The following ABCC5 variants were observed in gnomAD, a reference collection of about 807,000 sequenced individuals.
ABCC5 encodes ATP binding cassette subfamily C member 5.
Under a neutral mutation model 160.9 loss-of-function variants are expected in ABCC5, and 61 were observed. The ratio of observed to expected loss-of-function variants is 0.38; its 90% CI spans 0.31 to 0.47. The LOEUF is 0.47. Ranked by LOEUF, ABCC5 falls within the 20% of genes least tolerant of loss-of-function variation. ABCC5 has a pLI of 0.99. For synonymous variants in ABCC5, 666 were observed against 700.6 expected (o/e 0.95, Z 0.78); for missense variants, 1,308 against 1,813.3 (o/e 0.72, Z 5.06).
At chr3:183,945,458 C>A (rs1714750280) in intron 24 of ABCC5, among the ~76,000 whole-genome samples, 1 of 152,182 alleles carries the variant, frequency 6.6e-6, no homozygotes, top group African/African-American at 2.4e-5. Flanking sequence ...AGAGATGAGG[C>A]CACGTTTGTC....
In ABCC5 at chr3:183,961,593, G is replaced by T; in HGVS notation, c.2297C>A (p.Thr766Asn). The change falls in exon 16 of 30, where the codon ACC (threonine) becomes AAC (asparagine). Residue 766 changes from threonine (T) to asparagine (N), a missense_variant. Transcript: ENST00000334444. ...MKEGCITERG[T>N]HEELMNLNGD... ...ATTTAAATTCATCAGTTCCTCATGG[G>T]TGCCTCTTTCCGTAATACAGCCCTC... 1.2e-6 allele frequency: 2 copies of T among 1,614,182 alleles called. No homozygotes were observed. Among genetic ancestry groups the T allele is most frequent in the Non-Finnish European group, 1.7e-6 (2 of 1,180,036 alleles).
chr3:183,964,016 A>G (rs1227649586), intron 14 of ABCC5, among the ~76,000 whole-genome samples: 1 of 152,196 alleles, frequency 6.6e-6, no homozygotes, highest in African/African-American at 2.4e-5. Flanking sequence ...CCAGTTCCCC[A>G]GCAGTTCTCA....
intron 26 of ABCC5, among the ~76,000 whole-genome samples, chr3:183,931,549 G>T (rs1296490812): frequency 6.6e-6 from 1 of 152,138 alleles, no homozygotes; most frequent in African/African-American, 2.4e-5. Context: ...GGCCAGGCTG[G>T]TCTTGAACTC....
At chr3:183,922,132 G>C (rs1321756089) in intron 29 of ABCC5, among the ~76,000 whole-genome samples, 1 of 152,082 alleles carries the variant, frequency 6.6e-6, no homozygotes, top group Non-Finnish European at 1.5e-5. Context: ...AGCACTTTGG[G>C]AGGTCGAGGC....
chr3:184,012,726 G>A (rs1330113677), intron 2 of ABCC5, among the ~76,000 whole-genome samples: 1 of 152,140 alleles, frequency 6.6e-6, no homozygotes, highest in Non-Finnish European at 1.5e-5. Context: ...TAGACAAAAG[G>A]ACATGAGGAA....
At chr3:183,989,640 AT>A (rs1314906776) in intron 2 of ABCC5, among the ~76,000 whole-genome samples, 6 of 150,732 alleles carry the variant, frequency 4.0e-5, no homozygotes, top group Non-Finnish European at 5.9e-5. Context: ...AACTAATCAG[AT>A]AGTACAGAAT....
chr3:184,009,607 A>T (rs369163186), intron 2 of ABCC5, among the ~76,000 whole-genome samples: 14 of 152,288 alleles, frequency 9.2e-5, no homozygotes, highest in Admixed American at 3.9e-4. Flanking sequence ...CATCTGAGAA[A>T]TTTTGTTTTT....
chr3:183,928,190 C>T (rs1712794520), intron 27 of ABCC5, among the ~76,000 whole-genome samples: 1 of 151,390 alleles, frequency 6.6e-6, no homozygotes, highest in African/African-American at 2.4e-5. Flanking sequence ...TCGCTCACTG[C>T]AACCTCTGTC....
chr3:183,947,554 A>C (rs1425531703), intron 22 of ABCC5, 44 bp from the exon 23 acceptor site: 1 of 1,475,690 alleles, frequency 6.8e-7, no homozygotes, highest in Admixed American at 2.2e-5. Flanking sequence ...AGTACTACAC[A>C]ACCCCGCGCA....
intron 2 of ABCC5, among the ~76,000 whole-genome samples, chr3:184,010,847 G>A (rs377416614): frequency 9.9e-5 from 14 of 141,614 alleles, no homozygotes; most frequent in African/African-American, 3.5e-4. Flanking sequence ...GCCCAGGCTG[G>A]AGTGCAATGG....
chr3:183,977,234 G>C (rs893742397), intron 10 of ABCC5, among the ~76,000 whole-genome samples: 1 of 152,220 alleles, frequency 6.6e-6, no homozygotes, highest in African/African-American at 2.4e-5. Flanking sequence ...TCCATGTCAG[G>C]CCCAGGTGGA....
In ABCC5 at chr3:183,977,756, C is replaced by T. The variant is rs1012824687; in HGVS notation, c.1297-132G>A. The T allele has an allele frequency of 5.7e-5, 35 of 609,790 alleles. No homozygotes were observed. The African/African-American group carries it at 6.5e-4, about 11-fold the overall frequency. The allele number at this position is 609,790 out of a possible 1,614,324, so 37.8% of individuals were successfully genotyped here. On this transcript the variant is annotated intron_variant, in intron 9 of 29. Transcript: ENST00000334444. The stretch of plus-strand genomic sequence containing the variant: ...GTCAGCTGTTATTACAAGTCAATTA[C>T]ATTTTTTTTTTTTTGAGACGGAGTC...
intron 2 of ABCC5, chr3:184,000,962 T>C (rs1323113676): frequency 5.3e-6 from 2 of 374,670 alleles, no homozygotes; most frequent in Non-Finnish European, 9.4e-6. Context: ...ATTTAAAAAG[T>C]AAAAAGTAGG....
At position 183,945,841 on chromosome 3, in the gene ABCC5, C is replaced by G; in HGVS notation, c.3504+9G>C. ...TCAGATCACGGTAAAAGGCCTACAG[C>G]AGTCTGACCTTAATGTAGTGATTGA... is the stretch of plus-strand genomic sequence containing the variant. On this transcript the variant is annotated intron_variant, in intron 24 of 29. Coordinates refer to ENST00000334444, the MANE Select transcript of ABCC5 (RefSeq NM_005688.4). The G allele has an allele frequency of 6.2e-7, 1 of 1,612,318 alleles. No individual in the cohort carries two copies. Among genetic ancestry groups the G allele is most frequent in the Non-Finnish European group, 8.5e-7 (1 of 1,178,390 alleles).
chr3:184,001,875 C>CA (rs1485067935), intron 2 of ABCC5, among the ~76,000 whole-genome samples: 1 of 152,196 alleles, frequency 6.6e-6, no homozygotes, highest in Non-Finnish European at 1.5e-5. Flanking sequence ...GAAAGGCTGT[C>CA]AGTGGCCAGA....
intron 29 of ABCC5, among the ~76,000 whole-genome samples, chr3:183,922,071 A>C (rs1712044778): frequency 8.7e-6 from 1 of 114,776 alleles, no homozygotes; most frequent in African/African-American, 2.8e-5. Context: ...ATAAATAAAT[A>C]AATAAATAAA....
intron 8 of ABCC5, 102 bp from the exon 9 acceptor site, chr3:183,978,753 TC>T: frequency 7.7e-7 from 1 of 1,299,780 alleles, no homozygotes; most frequent in Non-Finnish European, 1.1e-6. Flanking sequence ...CAGCCACCCT[TC>T]AACACCTATG....
rs369277426 is a variant in ABCC5, at chr3:183,982,971, C to T, written c.628G>A (p.Ala210Thr). ...MVKHLLEYTQ[A>T]TESNLQYSLL... ...CTGTACTGCAGGTTAGACTCTGTTG[C>T]CTGGGTATACTCCAAGAGGTGTTTC... Residue 210 changes from alanine to threonine, a missense_variant, in exon 6 of 30, where the codon GCA (alanine) becomes ACA (threonine). Around this residue, in one of 3 missense-constraint regions of ABCC5, gnomAD observed 1,142 missense variants for 1,527.1 expected, o/e 0.75. Coordinates refer to ENST00000334444, the MANE Select transcript of ABCC5 (RefSeq NM_005688.4). The surrounding 1 kb of genome is among the most constrained non-coding windows in gnomAD (Gnocchi z 5.2). The T allele has an allele frequency of 1.6e-5, 26 of 1,614,172 alleles. No homozygotes were observed. The highest frequency in any genetic ancestry group is 8.3e-5 in the Admixed American group (5 of 60,026).
At chr3:183,931,256 C>T (rs1206603990) in intron 26 of ABCC5, among the ~76,000 whole-genome samples, 4 of 151,676 alleles carry the variant, frequency 2.6e-5, no homozygotes, top group African/African-American at 4.8e-5. Flanking sequence ...CACAAAAGCG[C>T]GGTCTCCTGC....
Sources: allele counts gnomAD v4.1 joint callset (sites outside exome capture counted in the v4.1 genomes callset), GRCh38; gene constraint gnomAD v4.1.1; regional missense constraint gnomAD v4.1.1; non-coding constraint Gnocchi (gnomAD v3.1); transcripts MANE v1.5; gene names NCBI Gene and HGNC (gene_info 2026-07-23, HGNC 2026-07-21).